The following TCF20 variants were observed in gnomAD, a reference collection of about 807,000 sequenced individuals.
The protein encoded by TCF20 is transcription factor 20.
In TCF20, 3 loss-of-function variants were observed where a neutral mutation model predicts 148.6. The observed-to-expected ratio is 0.02, with a 90% CI of 0.01 to 0.05. The LOEUF is 0.05. TCF20 is among the 10% of genes least tolerant of loss of function. The pLI, the probability that TCF20 is intolerant of heterozygous loss-of-function variation, is 1.00. For synonymous variants in TCF20, 1,049 were observed against 909.5 expected (o/e 1.15, Z -2.76); for missense variants, 2,350 against 2,429.3 (o/e 0.97, Z 0.69).
At chr22:42,316,578 C>T (rs1408961848) in intron 1 of TCF20, among the ~76,000 whole-genome samples, 1 of 152,218 alleles carries the variant, frequency 6.6e-6, no homozygotes, top group Non-Finnish European at 1.5e-5. Context: ...GCTGGGACTA[C>T]AGGCATGCGC....
At chr22:42,239,302 C>A (rs1302315738) in intron 1 of TCF20, among the ~76,000 whole-genome samples, 1 of 151,216 alleles carries the variant, frequency 6.6e-6, no homozygotes, top group Non-Finnish European at 1.5e-5. Context: ...TACGGAGAAA[C>A]CCCGTCTCTA....
chr22:42,201,863 C>T (rs1569134423), intron 2 of TCF20, among the ~76,000 whole-genome samples: 1 of 152,156 alleles, frequency 6.6e-6, no homozygotes, highest in Non-Finnish European at 1.5e-5. Context: ...ACTTTGTCAT[C>T]TCACTAGAAT....
At position 42,194,596 on chromosome 22, in the gene TCF20, G is replaced by T. The variant is rs1601559814; in HGVS notation, c.5656-14894C>A. Among the ~76,000 whole-genome samples, 3 of 151,950 alleles carry T rather than the reference G, an allele frequency of 2.0e-5. No individual in the cohort carries two copies. The South Asian group carries it at 6.3e-4, about 32-fold the overall frequency. On this transcript the variant is annotated intron_variant, in intron 2 of 5. Transcript: ENST00000677622. ...TGACTCTGCTTCTGCCTGGGAGAGT[G>T]TGGGGTGGGGGCGGGGGTAGCGGTA...
At chr22:42,243,601 C>G (rs911747511) in intron 1 of TCF20, among the ~76,000 whole-genome samples, 2 of 151,776 alleles carry the variant, frequency 1.3e-5, no homozygotes, top group African/African-American at 4.8e-5. Context: ...GACTCCCTCT[C>G]AAAAACAAAC....
intron 1 of TCF20, among the ~76,000 whole-genome samples, chr22:42,242,440 T>G (rs903497526): frequency 6.6e-6 from 1 of 151,996 alleles, no homozygotes; most frequent in Non-Finnish European, 1.5e-5. Context: ...AACATGAACC[T>G]GTTCTGTAAG....
In TCF20 at chr22:42,161,421, G is replaced by A. The variant is rs891295590; in HGVS notation, c.*45-63C>T. 8.1e-6 allele frequency: 13 copies of A among 1,610,366 alleles called. No individual in the cohort carries two copies. The African/African-American group carries it at 1.2e-4, about 15-fold the overall frequency. On this transcript the variant is annotated intron_variant, in intron 5 of 5. Transcript: ENST00000677622. ...TCCACAGGGTCCACCACCAACAGCC[G>A]CTGTTCCGTGGTACCCCTGGGAGCT... is the stretch of plus-strand genomic sequence containing the variant.
chr22:42,182,410 G>A (rs1438256812), intron 2 of TCF20, among the ~76,000 whole-genome samples: 1 of 152,198 alleles, frequency 6.6e-6, no homozygotes, highest in Non-Finnish European at 1.5e-5. Context: ...ACATATGCTA[G>A]ATAATCTACA....
chr22:42,166,854 G>C (rs1438006849), intron 5 of TCF20, among the ~76,000 whole-genome samples: 1 of 152,204 alleles, frequency 6.6e-6, no homozygotes, highest in Non-Finnish European at 1.5e-5. Flanking sequence ...TACAGAACTT[G>C]ACTCTAACCA....
intron 4 of TCF20, among the ~76,000 whole-genome samples, chr22:42,169,624 C>T (rs1935998282): frequency 6.6e-6 from 1 of 152,218 alleles, no homozygotes. Context: ...AAACACATTT[C>T]TCCTGGGATC....
rs134890 is a variant in TCF20 at position 42,279,855 on chromosome 22, C to G, written c.-37+3972G>C. Among the ~76,000 whole-genome samples, 167 of 152,332 alleles carry G rather than the reference C, an allele frequency of 1.1e-3. No homozygotes were observed. Among genetic ancestry groups the G allele is most frequent in the Non-Finnish European group, 2.1e-3 (144 of 68,040 alleles). ...TCCGTGGCAATCGGGCTCACAAAGC[C>G]ATGTGTGGGCTGGATGTGGCTCCCC... On this transcript the variant is annotated intron_variant, in intron 1 of 5. Coordinates refer to the TCF20 transcript ENST00000359486. The surrounding 1 kb of genome is among the most constrained non-coding windows in gnomAD (Gnocchi z 4.3).
At chr22:42,194,737 A>C (rs1937509602) in intron 2 of TCF20, among the ~76,000 whole-genome samples, 1 of 152,074 alleles carries the variant, frequency 6.6e-6, no homozygotes, top group African/African-American at 2.4e-5. Context: ...GCAAAGCAGC[A>C]GAGTGTGGTT....
chr22:42,225,620 CAAAAA>C (rs57952215), intron 1 of TCF20, among the ~76,000 whole-genome samples: 2 of 74,780 alleles, frequency 2.7e-5, no homozygotes, highest in African/African-American at 4.7e-5. Flanking sequence ...GACTCCGTCT[CAAAAA>C]AAAAAAAAAA....
chr22:42,187,055 G>A (rs999199018), intron 2 of TCF20, among the ~76,000 whole-genome samples: 6 of 152,194 alleles, frequency 3.9e-5, no homozygotes, highest in Non-Finnish European at 7.3e-5. Flanking sequence ...CTGCATCAGA[G>A]TCACCTGCCA....
intron 5 of TCF20, 120 bp downstream of exon 5, chr22:42,168,489 G>T (rs1302810419): frequency 1.4e-6 from 2 of 1,393,006 alleles, no homozygotes; most frequent in Non-Finnish European, 1.9e-6. Context: ...GCATCCACCT[G>T]GCGTTGTCAT....
At position 42,161,226 on chromosome 22, in the gene TCF20, G is replaced by A. The variant is rs1355845975; in HGVS notation, c.*177C>T. On this transcript the variant is annotated 3_prime_UTR_variant, in exon 6 of 6. Transcript: ENST00000677622. ...TGTCACTGGTTTGAGTGTGATGTGAGAACTTAAGGAAGTGCTGGCATGGGC... is the reference window on the plus strand; with the variant it reads ...TGTCACTGGTTTGAGTGTGATGTGAAAACTTAAGGAAGTGCTGGCATGGGC... 7 of 1,244,756 alleles carry A rather than the reference G, an allele frequency of 5.6e-6. No homozygotes were observed. The highest frequency in any genetic ancestry group is 5.6e-6 in the Non-Finnish European group (5 of 886,322). 77.1% of individuals were successfully genotyped at this position (1,244,756 alleles called of 1,614,324 possible).
chr22:42,264,408 A>G (rs739146), intron 1 of TCF20, among the ~76,000 whole-genome samples: 30,710 of 152,144 alleles, frequency 0.2, 3,294 homozygotes, highest in East Asian at 0.34. Context: ...AAAGCAGACA[A>G]CACTCCTCTT....
intron 1 of TCF20, among the ~76,000 whole-genome samples, chr22:42,328,247 T>TGGACACAGCCTCTGCAGGGCCCA: frequency 6.6e-6 from 1 of 152,090 alleles, no homozygotes; most frequent in East Asian, 2.0e-4. Flanking sequence ...CCAGCCAGAC[T>TGGACACAGCCTCTGCAGGGCCCA]GGACACAGCC....
chr22:42,166,829 C>T (rs1024428665), intron 5 of TCF20, among the ~76,000 whole-genome samples: 3 of 152,152 alleles, frequency 2.0e-5, no homozygotes, highest in African/African-American at 2.4e-5. Context: ...TCCAGGAATA[C>T]GCATCGTGGT....
rs1921123534 is a variant in TCF20 at position 42,212,698 on chromosome 22, T to C, written c.2608A>G (p.Ile870Val). The C allele has an allele frequency of 1.9e-6, 3 of 1,614,148 alleles. No homozygotes were observed. Among genetic ancestry groups the C allele is most frequent in the Non-Finnish European group, 2.5e-6 (3 of 1,180,028 alleles). The change falls in exon 2 of 6, where the codon ATT becomes GTT. Residue 870 changes from isoleucine to valine, a missense_variant. Ile to Val is a conservative substitution (Grantham distance 29). Around this residue, in one of 7 missense-constraint regions of TCF20, gnomAD observed 1,641 missense variants for 1,662.6 expected, o/e 0.99. Coordinates refer to ENST00000677622, the MANE Select transcript of TCF20 (RefSeq NM_001378418.1). ...CTGACAATCTGTCTTAGTGGAGAAA[T>C]ATCACAGATCACTGATCTTCTTTCA... ...LSERRSVICD[I>V]SPLRQIVRDP...
Sources: gnomAD v4.1 joint callset for allele counts (sites outside exome capture counted in the v4.1 genomes callset) on GRCh38, gnomAD v4.1.1 for gene constraint, gnomAD v4.1.1 regional missense constraint, Gnocchi (gnomAD v3.1) non-coding constraint, MANE v1.5 for transcripts, NCBI Gene and HGNC (gene_info 2026-07-23, HGNC 2026-07-21) for gene names.